The following NBAS variants were observed in gnomAD, a reference collection of about 807,000 sequenced individuals.
The protein encoded by NBAS is NBAS subunit of NRZ tethering complex.
Under a neutral mutation model 302.5 loss-of-function variants are expected in NBAS, and 219 were observed. The ratio of observed to expected loss-of-function variants is 0.72; its 90% CI spans 0.65 to 0.81. The LOEUF is 0.81. Among genes scored for constraint, NBAS ranks in the 30% least tolerant of loss-of-function variants. The pLI is 0.00. For synonymous variants in NBAS, 1,118 were observed against 1,021.6 expected, an observed-to-expected ratio of 1.09 and a Z score of -1.80; for missense variants, 2,932 against 2,841.6, an observed-to-expected ratio of 1.03 and a Z score of -0.72.
intron 38 of NBAS, among the ~76,000 whole-genome samples, chr2:15,312,884 T>G (rs1671342608): frequency 6.6e-6 from 1 of 152,192 alleles, no homozygotes; most frequent in African/African-American, 2.4e-5. Context: ...ACTTTCTATT[T>G]TCACTGCCAC....
chr2:14,983,502 G>A, the NBAS span, among the ~76,000 whole-genome samples: 3 of 152,016 alleles, frequency 2.0e-5, no homozygotes, highest in South Asian at 2.1e-4. Flanking sequence ...CCGTTAATAC[G>A]TTTGCAATAA....
the NBAS span, among the ~76,000 whole-genome samples, chr2:15,135,566 T>C: frequency 6.6e-6 from 1 of 151,844 alleles, no homozygotes; most frequent in African/African-American, 2.4e-5. Flanking sequence ...GGGGTGAAGG[T>C]TGTGAAGAGG....
intron 48 of NBAS, among the ~76,000 whole-genome samples, chr2:15,190,793 C>T (rs891942130): frequency 8.5e-5 from 13 of 152,268 alleles, no homozygotes; most frequent in African/African-American, 2.9e-4. Context: ...TCCTAATTTT[C>T]ATTAGAAATG....
At chr2:14,897,816 T>G in the NBAS span, among the ~76,000 whole-genome samples, 2 of 152,136 alleles carry the variant, frequency 1.3e-5, no homozygotes, top group Non-Finnish European at 2.9e-5. Flanking sequence ...TGGTTAACAA[T>G]GAGACTGTGG....
At chr2:14,957,431 A>C in the NBAS span, among the ~76,000 whole-genome samples, 1 of 152,078 alleles carries the variant, frequency 6.6e-6, no homozygotes, top group Admixed American at 6.5e-5. Flanking sequence ...AGAATTTCCC[A>C]AGCGCATTTT....
At chr2:15,508,501 C>T (rs1661977503) in intron 10 of NBAS, among the ~76,000 whole-genome samples, 1 of 152,150 alleles carries the variant, frequency 6.6e-6, no homozygotes, top group African/African-American at 2.4e-5. Flanking sequence ...TATACACATC[C>T]ATTTTCCTTT....
At chr2:15,407,128 T>G (rs1477485860) in intron 25 of NBAS, among the ~76,000 whole-genome samples, 3 of 152,254 alleles carry the variant, frequency 2.0e-5, no homozygotes, top group Non-Finnish European at 4.4e-5. Context: ...GAATGGCATG[T>G]ATCCCAACAC....
the NBAS span, among the ~76,000 whole-genome samples, chr2:14,811,279 G>T: frequency 6.4e-4 from 98 of 152,134 alleles, no homozygotes; most frequent in African/African-American, 2.2e-3. Flanking sequence ...GCATGGTGGC[G>T]CATGTCTGTA....
intron 49 of NBAS, 50 bp from the exon 50 acceptor site, chr2:15,186,930 C>A: frequency 6.2e-7 from 1 of 1,610,442 alleles, no homozygotes; most frequent in Non-Finnish European, 8.5e-7. Context: ...CTAAAGTTAT[C>A]ATAATTGTGA....
At chr2:15,521,363 G>GTT (rs1026358580) in intron 9 of NBAS, among the ~76,000 whole-genome samples, 42 of 152,230 alleles carry the variant, frequency 2.8e-4, no homozygotes, top group East Asian at 1.5e-3. Flanking sequence ...GAAAAAACCT[G>GTT]TTTTAGACAT....
At chr2:15,129,151 GC>G in the NBAS span, among the ~76,000 whole-genome samples, 4 of 152,320 alleles carry the variant, frequency 2.6e-5, no homozygotes, top group Admixed American at 6.5e-5. Context: ...TTCTCTTCTA[GC>G]CTACCCAGCA....
At chr2:15,516,362 G>A (rs928829598) in intron 9 of NBAS, among the ~76,000 whole-genome samples, 18 of 152,196 alleles carry the variant, frequency 1.2e-4, no homozygotes, top group African/African-American at 3.9e-4. Context: ...TGTGCATCTT[G>A]ACCTGTAAAC....
At chr2:14,793,907 C>T in the NBAS span, among the ~76,000 whole-genome samples, 836 of 151,976 alleles carry the variant, frequency 5.5e-3, 10 homozygotes, top group African/African-American at 0.02. Context: ...CAATATTTTA[C>T]GAGTACCGTG....
At chr2:14,804,277 A>G in the NBAS span, among the ~76,000 whole-genome samples, 1 of 152,162 alleles carries the variant, frequency 6.6e-6, no homozygotes, top group Non-Finnish European at 1.5e-5. Context: ...CTACATTTTC[A>G]CATATTTGTG....
At chr2:15,527,137 A>C (rs2148669002) in intron 9 of NBAS, among the ~76,000 whole-genome samples, 1 of 151,684 alleles carries the variant, frequency 6.6e-6, no homozygotes, top group African/African-American at 2.4e-5. Context: ...TATGAAGAAG[A>C]AAACAAAATA....
At chr2:15,434,847 G>T (rs958316717) in intron 21 of NBAS, among the ~76,000 whole-genome samples, 1 of 152,136 alleles carries the variant, frequency 6.6e-6, no homozygotes, top group African/African-American at 2.4e-5. Context: ...ATACAGGGGA[G>T]ACCCAAAAGT....
chr2:15,101,105 T>C, the NBAS span, among the ~76,000 whole-genome samples: 1 of 152,216 alleles, frequency 6.6e-6, no homozygotes, highest in African/African-American at 2.4e-5. Flanking sequence ...CCCTGTTCCA[T>C]TTGGATCGAC....
intron 32 of NBAS, among the ~76,000 whole-genome samples, chr2:15,359,444 T>A (rs1209547934): frequency 6.6e-6 from 1 of 152,178 alleles, no homozygotes; most frequent in Non-Finnish European, 1.5e-5. Context: ...GTTTATAGTT[T>A]CACTGACAGT....
At chr2:15,166,602 G>A (rs1217750454), downstream of NBAS, among the ~76,000 whole-genome samples, 1 of 152,140 alleles carries the variant, frequency 6.6e-6, no homozygotes, top group Non-Finnish European at 1.5e-5. Context: ...TCAAAGAGGT[G>A]GAAGAATTTG....
Sources: allele counts gnomAD v4.1 joint callset (sites outside exome capture counted in the v4.1 genomes callset), GRCh38; gene constraint gnomAD v4.1.1; transcripts MANE v1.5; gene names NCBI Gene and HGNC (gene_info 2026-07-23, HGNC 2026-07-21).